The following DCC variants were observed in gnomAD, a reference collection of about 807,000 sequenced individuals.
DCC encodes the protein DCC netrin 1 receptor, also known as netrin receptor DCC.
In DCC, 58 loss-of-function variants were observed where a neutral mutation model predicts 172.5. The observed-to-expected ratio is 0.34, with a 90% CI of 0.27 to 0.42. DCC has a LOEUF of 0.42. Ranked by LOEUF, DCC falls within the 10% of genes least tolerant of loss-of-function variation. The pLI is 1.00. For missense variants in DCC, 1,740 were observed against 1,791.0 expected (o/e 0.97, Z 0.51); for synonymous variants, 709 against 644.5 (o/e 1.10, Z -1.52).
chr18:52,497,950 C>T (rs1428957356), intron 1 of DCC, among the ~76,000 whole-genome samples: 1 of 152,094 alleles, frequency 6.6e-6, no homozygotes, highest in Non-Finnish European at 1.5e-5. Context: ...AGATAGTAAA[C>T]ATTTTAGGTT....
chr18:52,503,475 A>G (rs1017891192), intron 1 of DCC, among the ~76,000 whole-genome samples: 4 of 152,186 alleles, frequency 2.6e-5, no homozygotes, highest in African/African-American at 4.8e-5. Flanking sequence ...ATAGATAAGT[A>G]TACGTTTACC....
At chr18:52,630,261 G>T (rs1248729823) in intron 1 of DCC, among the ~76,000 whole-genome samples, 1 of 152,162 alleles carries the variant, frequency 6.6e-6, no homozygotes, top group Non-Finnish European at 1.5e-5. Flanking sequence ...AACTCCAGGG[G>T]TTCATCCTAT....
intron 5 of DCC, among the ~76,000 whole-genome samples, chr18:53,001,302 A>C (rs1164887553): frequency 6.6e-6 from 1 of 152,120 alleles, no homozygotes; most frequent in Admixed American, 6.6e-5. Context: ...AAAGTGCTTT[A>C]TGTCTAGATG....
chr18:52,363,692 G>A (rs1012068761), intron 1 of DCC, among the ~76,000 whole-genome samples: 8 of 152,210 alleles, frequency 5.3e-5, no homozygotes, highest in African/African-American at 1.9e-4. Context: ...TCAGTGTTCA[G>A]CCAACAGGAA....
chr18:53,098,827 G>A (rs1238473731), intron 7 of DCC, among the ~76,000 whole-genome samples: 2 of 151,970 alleles, frequency 1.3e-5, no homozygotes, highest in Non-Finnish European at 2.9e-5. Context: ...AGTCACATAC[G>A]GGAGACCCCA....
intron 1 of DCC, among the ~76,000 whole-genome samples, chr18:52,488,556 C>T (rs1279880825): frequency 1.3e-5 from 2 of 151,954 alleles, no homozygotes; most frequent in Non-Finnish European, 2.9e-5. Context: ...TAGATCTGAC[C>T]GCTGCTTTGT....
rs1555734428 is a variant in DCC, at chr18:53,226,949, T to TATA, written c.1911+11352_1911+11353insATA. On this transcript the variant is annotated intron_variant, in intron 12 of 28. Coordinates refer to ENST00000442544, the MANE Select transcript of DCC (RefSeq NM_005215.4). ...GTGTGTGTGTGTATATATATATATA[T>TATA]TTTTTTTTTTTTTTTTTTGAGGCAG... Among the ~76,000 whole-genome samples, 336 of 47,472 alleles carry TATA rather than the reference T, an allele frequency of 7.1e-3. 6 individuals are homozygous for TATA. Among genetic ancestry groups the TATA allele is most frequent in the East Asian group, 0.053 (136 of 2,578 alleles). The allele number at this position is 47,472 out of a possible 152,430, so 31.1% of individuals were successfully genotyped here.
chr18:52,356,582 T>C (rs1170363436), intron 1 of DCC, among the ~76,000 whole-genome samples: 1 of 152,166 alleles, frequency 6.6e-6, no homozygotes, highest in African/African-American at 2.4e-5. Context: ...ATTATTAGGA[T>C]GATATTGTTC....
chr18:53,313,083 A>AGG (rs1257368913), intron 13 of DCC, among the ~76,000 whole-genome samples: 2 of 129,542 alleles, frequency 1.5e-5, no homozygotes, highest in African/African-American at 5.4e-5. Context: ...AAGGAAGGAA[A>AGG]AAGGAAGGAA....
At chr18:53,186,193 A>G (rs1025304720) in intron 9 of DCC, among the ~76,000 whole-genome samples, 4 of 152,208 alleles carry the variant, frequency 2.6e-5, no homozygotes, top group African/African-American at 9.7e-5. Flanking sequence ...AATTGCATAG[A>G]AAGAAAGCTA....
At chr18:52,796,794 G>A (rs770699158) in intron 2 of DCC, among the ~76,000 whole-genome samples, 7 of 152,100 alleles carry the variant, frequency 4.6e-5, no homozygotes, top group Non-Finnish European at 1.0e-4. Context: ...GCTTGGAGAA[G>A]ACATTTTTGA....
intron 5 of DCC, among the ~76,000 whole-genome samples, chr18:52,942,722 G>T (rs1046625903): frequency 6.6e-5 from 10 of 152,068 alleles, no homozygotes; most frequent in East Asian, 1.9e-4. Context: ...ATTATCTCCC[G>T]CCAGGTCCCT....
intron 4 of DCC, 152 bp downstream of exon 4, chr18:52,924,009 T>C (rs894239212): frequency 1.3e-5 from 9 of 682,294 alleles, no homozygotes; most frequent in Non-Finnish European, 1.8e-5. Flanking sequence ...GATACAGTTA[T>C]ATGAAAGATA....
intron 1 of DCC, among the ~76,000 whole-genome samples, chr18:52,501,354 C>T (rs754152933): frequency 8.5e-5 from 13 of 152,148 alleles, no homozygotes; most frequent in Admixed American, 2.0e-4. Context: ...CCAATACAGT[C>T]GCTTTCTCCT....
Position 53,270,368 on chromosome 18 carries a change from T to C in DCC, c.1912-35210T>C, listed in dbSNP as rs184901822. Among the ~76,000 whole-genome samples the C allele has an allele frequency of 5.4e-3, 818 of 152,182 alleles. 6 individuals carry two copies. Among genetic ancestry groups the C allele is most frequent in the Admixed American group, 0.023 (345 of 15,266 alleles). ...AGTCAATTTTTGTTATTCTTTGTTT[T>C]TGGGGGAGGGGGAAAAGTGCCAAAT... On this transcript the variant is annotated intron_variant, in intron 12 of 28. Coordinates refer to ENST00000442544, the MANE Select transcript of DCC (RefSeq NM_005215.4).
At chr18:53,132,343 A>G (rs553287206) in intron 7 of DCC, among the ~76,000 whole-genome samples, 1 of 152,210 alleles carries the variant, frequency 6.6e-6, no homozygotes, top group East Asian at 1.9e-4. Flanking sequence ...GAAAGAGTTG[A>G]GCATGATGAG....
At chr18:53,472,548 C>A (rs1208823748) in intron 25 of DCC, among the ~76,000 whole-genome samples, 1 of 152,128 alleles carries the variant, frequency 6.6e-6, no homozygotes, top group African/African-American at 2.4e-5. Flanking sequence ...ATCTGTGGAG[C>A]CTTCCTGTCC....
intron 7 of DCC, among the ~76,000 whole-genome samples, chr18:53,120,629 T>C (rs1262765127): frequency 1.3e-5 from 2 of 151,820 alleles, no homozygotes; most frequent in Non-Finnish European, 2.9e-5. Flanking sequence ...ATAATGAATG[T>C]TGGAATGTTA....
At chr18:53,047,405 T>A (rs2042264091) in intron 5 of DCC, among the ~76,000 whole-genome samples, 1 of 115,884 alleles carries the variant, frequency 8.6e-6, no homozygotes, top group South Asian at 2.6e-4. Flanking sequence ...ATATGTTATA[T>A]ATTTTATGTA....
Sources: gnomAD v4.1 joint callset for allele counts (sites outside exome capture counted in the v4.1 genomes callset) on GRCh38, gnomAD v4.1.1 for gene constraint, MANE v1.5 for transcripts, NCBI Gene and HGNC (gene_info 2026-07-23, HGNC 2026-07-21) for gene names.